SH3D19: variants seen among roughly 807,000 people sequenced by gnomAD.
The protein encoded by SH3D19 is SH3 domain containing 19.
A neutral mutation model predicts 112.1 loss-of-function variants in SH3D19; 58 were observed. That is an observed-to-expected ratio of 0.52 (90% CI 0.42 to 0.64). The LOEUF is 0.64. Ranked by LOEUF, SH3D19 falls within the 30% of genes least tolerant of loss-of-function variation. The pLI is 0.00. For missense variants in SH3D19, 1,090 were observed against 1,263.4 expected, an observed-to-expected ratio of 0.86 and a Z score of 2.08; for synonymous variants, 391 against 448.5, an observed-to-expected ratio of 0.87 and a Z score of 1.62.
intron 1 of SH3D19, among the ~76,000 whole-genome samples, chr4:151,264,484 T>C (rs1580355060): frequency 6.6e-6 from 1 of 150,740 alleles, no homozygotes; most frequent in Non-Finnish European, 1.5e-5. Flanking sequence ...TTATTTCTTA[T>C]AGTATTCTAT....
At chr4:151,193,266 G>GTTT (rs1357029944) in intron 2 of SH3D19, among the ~76,000 whole-genome samples, 1 of 145,602 alleles carries the variant, frequency 6.9e-6, no homozygotes, top group East Asian at 2.0e-4. Context: ...TTTAAAATAG[G>GTTT]TTTGTTTTTT....
At chr4:151,310,020 A>G (rs536709537) in intron 1 of SH3D19, among the ~76,000 whole-genome samples, 14 of 151,866 alleles carry the variant, frequency 9.2e-5, no homozygotes, top group Admixed American at 7.2e-4. Flanking sequence ...ATGGTGGCTC[A>G]TGCCTGTAAT....
chr4:151,280,048 G>GC, intron 1 of SH3D19: 1 of 715,312 alleles, frequency 1.4e-6, no homozygotes. Context: ...AATGAAAGTG[G>GC]TAAAATAGGC....
At chr4:151,231,603 A>C (rs972988507) in intron 1 of SH3D19, among the ~76,000 whole-genome samples, 5 of 152,150 alleles carry the variant, frequency 3.3e-5, no homozygotes, top group African/African-American at 1.2e-4. Context: ...ATAACACATT[A>C]AGTCAGAAAA....
chr4:151,250,470 T>TAC (rs1771278302), intron 1 of SH3D19, among the ~76,000 whole-genome samples: 1 of 151,820 alleles, frequency 6.6e-6, no homozygotes, highest in African/African-American at 2.4e-5. Flanking sequence ...CATGTGTATA[T>TAC]GGACCCCACA....
At chr4:151,247,743 T>A (rs1421130987) in intron 1 of SH3D19, among the ~76,000 whole-genome samples, 1 of 152,238 alleles carries the variant, frequency 6.6e-6, no homozygotes, top group African/African-American at 2.4e-5. Flanking sequence ...GTTTATTTTA[T>A]GTGGATTAAA....
intron 3 of SH3D19, among the ~76,000 whole-genome samples, chr4:151,183,442 C>G (rs1029757918): frequency 6.6e-6 from 1 of 152,148 alleles, no homozygotes; most frequent in Admixed American, 6.6e-5. Context: ...CCTCAGCGAT[C>G]GTCCTACTCA....
chr4:151,230,570 T>C (rs1166793472), intron 1 of SH3D19, among the ~76,000 whole-genome samples: 2 of 151,764 alleles, frequency 1.3e-5, no homozygotes, highest in Non-Finnish European at 2.9e-5. Flanking sequence ...ATACTCACAA[T>C]GGAGTAAGAA....
intron 2 of SH3D19, among the ~76,000 whole-genome samples, chr4:151,206,279 G>A (rs1469955062): frequency 6.6e-6 from 1 of 152,082 alleles, no homozygotes; most frequent in Non-Finnish European, 1.5e-5. Context: ...ATTTTGTGTT[G>A]TTTCAGAAAA....
chr4:151,228,338 T>C (rs2149953158), intron 1 of SH3D19, among the ~76,000 whole-genome samples: 1 of 152,320 alleles, frequency 6.6e-6, no homozygotes. Flanking sequence ...TCACAATATT[T>C]CCCATCCCTC....
intron 17 of SH3D19, among the ~76,000 whole-genome samples, chr4:151,131,573 GC>G (rs935397663): frequency 2.0e-5 from 3 of 146,736 alleles, no homozygotes; most frequent in Non-Finnish European, 3.0e-5. Flanking sequence ...TGCAAACTCT[GC>G]CCCCCGGGTT....
chr4:151,210,764 T>G (rs1765843850), intron 2 of SH3D19, among the ~76,000 whole-genome samples: 1 of 152,224 alleles, frequency 6.6e-6, no homozygotes, highest in Non-Finnish European at 1.5e-5. Flanking sequence ...ACCAATATAC[T>G]AACAGCAATT....
intron 2 of SH3D19, among the ~76,000 whole-genome samples, chr4:151,220,325 G>T (rs1298574030): frequency 1.3e-5 from 2 of 152,180 alleles, no homozygotes; most frequent in Non-Finnish European, 1.5e-5. Flanking sequence ...TATCAAAGGG[G>T]ATTATGACAG....
intron 2 of SH3D19, among the ~76,000 whole-genome samples, chr4:151,202,635 A>G (rs1764559936): frequency 6.6e-6 from 1 of 152,208 alleles, no homozygotes. Context: ...AATGATAGGA[A>G]TCAACCGAAA....
At chr4:151,235,932 T>C (rs557754896) in intron 1 of SH3D19, among the ~76,000 whole-genome samples, 43 of 152,236 alleles carry the variant, frequency 2.8e-4, no homozygotes, top group Non-Finnish European at 1.0e-4. Flanking sequence ...GTCATCTCCG[T>C]GTCCAGCACC....
intron 1 of SH3D19, chr4:151,262,994 G>A (rs2407165): frequency 0.87 from 132,323 of 152,100 alleles, 58,475 homozygotes; most frequent in Non-Finnish European, 0.96. Flanking sequence ...TAAAGTGACA[G>A]TTGAGAATGA....
At chr4:151,208,763 C>T (rs1042459010) in intron 2 of SH3D19, among the ~76,000 whole-genome samples, 12 of 151,616 alleles carry the variant, frequency 7.9e-5, no homozygotes, top group East Asian at 1.9e-4. Context: ...CTGCAAGCTC[C>T]GTCTCCTGGG....
intron 1 of SH3D19, among the ~76,000 whole-genome samples, chr4:151,286,251 GGAAATTACT>G (rs1376038884): frequency 6.8e-6 from 1 of 146,932 alleles, no homozygotes; most frequent in African/African-American, 2.5e-5. Context: ...GGGATATAGT[GGAAATTACT>G]GAAATAGAGA....
intron 3 of SH3D19, among the ~76,000 whole-genome samples, chr4:151,186,218 G>A (rs924223301): frequency 2.0e-5 from 3 of 152,106 alleles, no homozygotes; most frequent in Admixed American, 6.5e-5. Context: ...TTAAAAAAGT[G>A]TTAAAATACC....
Sources: allele counts gnomAD v4.1 joint callset (sites outside exome capture counted in the v4.1 genomes callset), GRCh38; gene constraint gnomAD v4.1.1; transcripts MANE v1.5; gene names NCBI Gene and HGNC (gene_info 2026-07-23, HGNC 2026-07-21).